TMEM92: variants seen among roughly 807,000 people sequenced by gnomAD.
TMEM92 encodes transmembrane protein 92.
A neutral mutation model predicts 14.6 loss-of-function variants in TMEM92; 15 were observed. That is an observed-to-expected ratio of 1.03 (90% CI 0.69 to 1.58). TMEM92 has a LOEUF of 1.58. TMEM92 is among the 40% of genes most tolerant of loss of function. The pLI is 0.00. For synonymous variants in TMEM92, 85 were observed against 83.3 expected (o/e 1.02, Z -0.11); for missense variants, 174 against 202.4 (o/e 0.86, Z 0.85).
Position 50,279,582 on chromosome 17 carries a change from A to C in TMEM92, c.*274A>C. ...ATGCTGACCATTGGAGGTGCCCAAC[A>C]GTAGAATGGGCTACTGTGAGGGGTA... On this transcript the variant is annotated 3_prime_UTR_variant, in exon 5 of 5. Transcript: ENST00000507382. 4.9e-6 allele frequency: 2 copies of C among 404,766 alleles called. No homozygotes were observed. The highest frequency in any genetic ancestry group is 9.0e-6 in the Non-Finnish European group (2 of 221,038). The allele number at this position is 404,766 out of a possible 1,614,324, so 25.1% of individuals were successfully genotyped here.
intron 1 of TMEM92, 149 bp downstream of exon 1, chr17:50,274,719 A>T: frequency 1.3e-6 from 1 of 756,756 alleles, no homozygotes; most frequent in East Asian, 2.9e-5. Context: ...TTTGCTGTGG[A>T]GGTGGAGGTG....
intron 1 of TMEM92, among the ~76,000 whole-genome samples, chr17:50,275,837 A>AT (rs981457676): frequency 3.3e-5 from 5 of 152,022 alleles, no homozygotes; most frequent in African/African-American, 9.7e-5. Context: ...GTATATATAT[A>AT]TTTTTAATTT....
In TMEM92 at chr17:50,278,792, C is replaced by T. The variant is rs745880669; in HGVS notation, c.171-9C>T. The stretch of plus-strand genomic sequence containing the variant: ...GGACTCAGGGTACTCTTGGTGGTCC[C>T]CACCCCAGGATCTTCGTCATCATCT... On this transcript the variant is annotated splice_polypyrimidine_tract_variant and intron_variant, in intron 3 of 4. Transcript: ENST00000507382. The T allele has an allele frequency of 1.2e-6, 2 of 1,604,450 alleles. No individual in the cohort carries two copies. The highest frequency in any genetic ancestry group is 1.7e-6 in the Non-Finnish European group (2 of 1,175,580).
At chr17:50,275,315 G>T (rs1288380617) in intron 1 of TMEM92, among the ~76,000 whole-genome samples, 2 of 151,984 alleles carry the variant, frequency 1.3e-5, no homozygotes, top group African/African-American at 4.8e-5. Context: ...TCCATAGTTA[G>T]GATTTTAGAA....
chr17:50,280,171 G>T lies in TMEM92; in HGVS notation c.*863G>T. ...GCTGTGAGGGGGTTGGATCCAGGAA[G>T]CAGCCCTGGGACAGCCCATTCTGCT... is the stretch of plus-strand genomic sequence containing the variant. On this transcript the variant is annotated 3_prime_UTR_variant, in exon 5 of 5. Coordinates refer to ENST00000507382, the MANE Select transcript of TMEM92 (RefSeq NM_153229.3). 1 of 151,582 alleles carries T rather than the reference G, an allele frequency of 6.6e-6. No homozygotes were observed. The allele number at this position is 151,582 out of a possible 1,614,324, so 9.4% of individuals were successfully genotyped here.
chr17:50,278,702 C>T lies in TMEM92; in HGVS notation c.170+72C>T, dbSNP rs539355856. On this transcript the variant is annotated intron_variant, in intron 3 of 4. Coordinates refer to ENST00000507382, the MANE Select transcript of TMEM92 (RefSeq NM_153229.3). ...GGTCCTGTGTGGACAAGGCCAGGCA[C>T]CTGCCGAGGGGGCAGTGTGGGCGGC... 12 of 1,583,600 alleles carry T rather than the reference C, an allele frequency of 7.6e-6. No individual in the cohort carries two copies. The African/African-American group carries it at 1.5e-4, about 20-fold the overall frequency.
Position 50,274,574 on chromosome 17 carries a change from A to G in TMEM92, c.69+4A>G. The G allele has an allele frequency of 6.2e-7, 1 of 1,613,070 alleles. No individual in the cohort carries two copies. The highest frequency in any genetic ancestry group is 8.5e-7 in the Non-Finnish European group (1 of 1,179,546). ...CCTGCTGGCTGGCCCCCAAAAGGTG[A>G]GACTGGGAGGTAAGGTTGTTGAACT... is the stretch of plus-strand genomic sequence containing the variant. On this transcript the variant is annotated splice_donor_region_variant and intron_variant, in intron 1 of 4. Transcript: ENST00000507382.
rs759149734 is a variant in TMEM92, at chr17:50,278,809, T to C, written c.179T>C (p.Val60Ala). 1 of 1,610,774 alleles carries C rather than the reference T, an allele frequency of 6.2e-7. No individual in the cohort carries two copies. The highest frequency in any genetic ancestry group is 1.1e-5 in the South Asian group (1 of 90,814). The change falls in exon 4 of 5, where the codon GTC becomes GCC. Residue 60 changes from valine (V) to alanine (A), a missense_variant. Val to Ala is a moderately conservative substitution (Grantham distance 64). Transcript: ENST00000507382. ...ELFPGPVRIFVIIFLVILSVF... is the reference protein window; with the variant it reads ...ELFPGPVRIFAIIFLVILSVF... ...GGTGGTCCCCACCCCAGGATCTTCG[T>C]CATCATCTTCCTGGTCATCCTGTCC...
intron 2 of TMEM92, among the ~76,000 whole-genome samples, chr17:50,278,211 G>T (rs1188561955): frequency 6.6e-6 from 1 of 152,118 alleles, no homozygotes; most frequent in Non-Finnish European, 1.5e-5. Context: ...GACATGCCAC[G>T]TGGCCTCTTT....
upstream of TMEM92, among the ~76,000 whole-genome samples, chr17:50,272,022 A>AAT (rs1555584590): frequency 3.3e-5 from 5 of 152,098 alleles, no homozygotes; most frequent in East Asian, 5.8e-4. Flanking sequence ...GTTCTCAAAA[A>AAT]ATATATATAT....
chr17:50,278,489 G>C, intron 2 of TMEM92, 67 bp from the exon 3 acceptor site: 1 of 1,571,102 alleles, frequency 6.4e-7, no homozygotes, highest in Non-Finnish European at 8.7e-7. Context: ...GGGAGGCTGG[G>C]ATCCTTCTGC....
intron 1 of TMEM92, chr17:50,275,011 G>A (rs1474275307): frequency 1.2e-5 from 2 of 160,734 alleles, no homozygotes; most frequent in African/African-American, 4.8e-5. Context: ...TTGTTCCCTA[G>A]GGGAGAGAAG....
chr17:50,279,106 C>G (rs892559220), intron 4 of TMEM92, 89 bp from the exon 5 acceptor site: 5 of 1,465,332 alleles, frequency 3.4e-6, no homozygotes, highest in African/African-American at 2.8e-5. Flanking sequence ...TGGGTCACCC[C>G]TCTCCCTGGT....
chr17:50,277,802 C>T (rs1910477813), intron 2 of TMEM92, 62 bp downstream of exon 2: 2 of 1,601,878 alleles, frequency 1.2e-6, no homozygotes, highest in Admixed American at 3.3e-5. Context: ...AAATCATGCC[C>T]TGCATGCCTT....
In TMEM92 at chr17:50,278,788, G is replaced by T; in HGVS notation, c.171-13G>T. The T allele has an allele frequency of 6.2e-7, 1 of 1,602,176 alleles. No homozygotes were observed. ...CTGGGGACTCAGGGTACTCTTGGTG[G>T]TCCCCACCCCAGGATCTTCGTCATC... is the stretch of plus-strand genomic sequence containing the variant. On this transcript the variant is annotated splice_polypyrimidine_tract_variant and intron_variant, in intron 3 of 4. Coordinates refer to ENST00000507382, the MANE Select transcript of TMEM92 (RefSeq NM_153229.3).
upstream of TMEM92, among the ~76,000 whole-genome samples, chr17:50,274,181 A>G (rs1910341286): frequency 6.6e-6 from 1 of 151,866 alleles, no homozygotes; most frequent in Admixed American, 6.6e-5. Context: ...GGGTCTCACC[A>G]TGTAGGCCAA....
Position 50,279,000 on chromosome 17 carries a change from G to A in TMEM92, c.366+4G>A, listed in dbSNP as rs777393099. The A allele has an allele frequency of 2.7e-4, 422 of 1,586,112 alleles. 1 individual carries two copies. The highest frequency in any genetic ancestry group is 3.5e-4 in the Non-Finnish European group (406 of 1,158,602). ...GCCCCCACCCCCCTACAGTGAGGTG[G>A]GTGTCTCATCCCCATCCCCACCTTG... On this transcript the variant is annotated splice_donor_region_variant and intron_variant, in intron 4 of 4. Transcript: ENST00000507382.
chr17:50,279,468 C>A lies in TMEM92; in HGVS notation c.*160C>A, dbSNP rs957331735. 4.7e-6 allele frequency: 3 copies of A among 639,728 alleles called. No individual in the cohort carries two copies. The African/African-American group carries it at 5.6e-5, about 12-fold the overall frequency. The allele number at this position is 639,728 out of a possible 1,614,324, so 39.6% of individuals were successfully genotyped here. On this transcript the variant is annotated 3_prime_UTR_variant, in exon 5 of 5. Transcript: ENST00000507382. ...ATTACTTTTTCTGCTTCTGTTTCCACCCCAGCTGCCTCTCTTGTCCTGAGG... is the reference window on the plus strand; with the variant it reads ...ATTACTTTTTCTGCTTCTGTTTCCAACCCAGCTGCCTCTCTTGTCCTGAGG...
chr17:50,273,884 T>TG (rs1458784854), upstream of TMEM92, among the ~76,000 whole-genome samples: 1 of 152,180 alleles, frequency 6.6e-6, no homozygotes, highest in African/African-American at 2.4e-5. Flanking sequence ...CCCTGGAGTC[T>TG]GGGGCACTTA....
Sources: gnomAD v4.1 joint callset for allele counts (sites outside exome capture counted in the v4.1 genomes callset) on GRCh38, gnomAD v4.1.1 for gene constraint, MANE v1.5 for transcripts, NCBI Gene and HGNC (gene_info 2026-07-23, HGNC 2026-07-21) for gene names.